Variants in STAC observed in about 807,000 individuals in gnomAD.
STAC encodes the protein SH3 and cysteine rich domain.
Under a neutral mutation model 48.8 loss-of-function variants are expected in STAC, and 43 were observed. That is an observed-to-expected ratio of 0.88 (90% CI 0.69 to 1.14). The LOEUF (loss-of-function observed/expected upper bound fraction) is 1.14. Ranked by LOEUF, STAC falls within the 50% of genes most tolerant of loss-of-function variation. The probability of loss-of-function intolerance (pLI) is 0.00; values close to 1 mark genes in which losing one functional copy is unlikely to be tolerated. For missense variants in STAC, 497 were observed against 504.0 expected, an observed-to-expected ratio of 0.99 and a Z score of 0.13; for synonymous variants, 193 against 179.5, an observed-to-expected ratio of 1.07 and a Z score of -0.60.
chr3:36,398,435 G>GAGA (rs1390375225), intron 1 of STAC, among the ~76,000 whole-genome samples: 3 of 63,456 alleles, frequency 4.7e-5, no homozygotes, highest in Non-Finnish European at 1.1e-4. Context: ...AAGGAAGGAA[G>GAGA]GAAGGAAGGA....
intron 2 of STAC, among the ~76,000 whole-genome samples, chr3:36,460,025 A>G (rs1172822997): frequency 6.6e-6 from 1 of 152,126 alleles, no homozygotes; most frequent in Non-Finnish European, 1.5e-5. Flanking sequence ...CCTTGAGCAC[A>G]GTCCTGTGTC....
At chr3:36,461,635 C>A (rs894445448) in intron 2 of STAC, among the ~76,000 whole-genome samples, 3 of 152,048 alleles carry the variant, frequency 2.0e-5, no homozygotes, top group Non-Finnish European at 2.9e-5. Context: ...AGGCAGGGGG[C>A]AGGTTGCAGT....
At chr3:36,411,120 T>C (rs891629608) in intron 1 of STAC, among the ~76,000 whole-genome samples, 18 of 152,170 alleles carry the variant, frequency 1.2e-4, no homozygotes, top group African/African-American at 4.3e-4. Context: ...GCTACTCTCT[T>C]TTCCTCAAAC....
At chr3:36,396,652 T>C (rs1699863544) in intron 1 of STAC, among the ~76,000 whole-genome samples, 1 of 152,234 alleles carries the variant, frequency 6.6e-6, no homozygotes, top group Admixed American at 6.5e-5. Flanking sequence ...TAAATCTTTC[T>C]GGCTTACATT....
intron 10 of STAC, among the ~76,000 whole-genome samples, chr3:36,530,921 T>C (rs1699050649): frequency 6.6e-6 from 1 of 152,158 alleles, no homozygotes; most frequent in South Asian, 2.1e-4. Context: ...TTTATGGCTA[T>C]TCAAAAGAAT....
At chr3:36,441,689 T>G (rs1186473019) in intron 1 of STAC, among the ~76,000 whole-genome samples, 1 of 152,208 alleles carries the variant, frequency 6.6e-6, no homozygotes, top group African/African-American at 2.4e-5. Flanking sequence ...TCATAGTGGT[T>G]GCACTAGTTT....
At chr3:36,527,992 A>C (rs1329595924) in intron 8 of STAC, among the ~76,000 whole-genome samples, 2 of 152,068 alleles carry the variant, frequency 1.3e-5, no homozygotes, top group Non-Finnish European at 2.9e-5. Flanking sequence ...ATAATGACCA[A>C]TTCTAGATGT....
At chr3:36,462,680 T>C (rs981527209) in intron 2 of STAC, among the ~76,000 whole-genome samples, 1 of 152,184 alleles carries the variant, frequency 6.6e-6, no homozygotes, top group Non-Finnish European at 1.5e-5. Flanking sequence ...TGATCAGCCT[T>C]GTCAAATGTT....
intron 8 of STAC, among the ~76,000 whole-genome samples, chr3:36,525,640 C>G (rs1698913470): frequency 2.0e-5 from 3 of 152,064 alleles, no homozygotes; most frequent in Admixed American, 2.0e-4. Context: ...TTGATACTGA[C>G]TCATGGTTTC....
intron 1 of STAC, among the ~76,000 whole-genome samples, chr3:36,398,645 A>T (rs1158699472): frequency 2.5e-5 from 3 of 118,782 alleles, no homozygotes; most frequent in African/African-American, 9.1e-5. Flanking sequence ...AAAGAAAGAA[A>T]GAAAGAGAAA....
chr3:36,523,090 A>G (rs1698844847), intron 8 of STAC, among the ~76,000 whole-genome samples: 1 of 152,206 alleles, frequency 6.6e-6, no homozygotes, highest in Non-Finnish European at 1.5e-5. Context: ...ATGAACCCAG[A>G]AAGCAACCAT....
rs889842625 is a variant in STAC at position 36,486,230 on chromosome 3, A to G, written c.668A>G (p.Asp223Gly). 6.2e-7 allele frequency: 1 copy of G among 1,613,572 alleles called. No individual in the cohort carries two copies. The highest frequency in any genetic ancestry group is 8.5e-7 in the Non-Finnish European group (1 of 1,179,750). Residue 223 changes from aspartate to glycine, a missense_variant, in exon 5 of 11, where the codon GAC becomes GGC. Transcript: ENST00000273183. ...AAGGGCAGCTCCGGCAGTGGCTCTG[A>G]CTCACCTCACAGAACCTCTGTAATT... Reference protein sequence around the residue: ...TKKGSSGSGSDSPHRTSTSDL... With the variant: ...TKKGSSGSGSGSPHRTSTSDL...
chr3:36,451,507 A>T (rs1696679738), intron 2 of STAC, among the ~76,000 whole-genome samples: 1 of 152,184 alleles, frequency 6.6e-6, no homozygotes, highest in African/African-American at 2.4e-5. Context: ...AAATTTTATA[A>T]CAAGATTTAT....
At chr3:36,430,342 A>T (rs1336706211) in intron 1 of STAC, among the ~76,000 whole-genome samples, 1 of 152,172 alleles carries the variant, frequency 6.6e-6, no homozygotes, top group African/African-American at 2.4e-5. Context: ...ATTGAGCTCT[A>T]TGTGGAGAAG....
Position 36,469,166 on chromosome 3 carries a change from T to C in STAC, c.389-13826T>C, listed in dbSNP as rs1177965028. Among the ~76,000 whole-genome samples, 11 of 152,220 alleles carry C rather than the reference T, an allele frequency of 7.2e-5. No homozygotes were observed. In the East Asian group the frequency reaches 1.7e-3, roughly 24 times the overall value. ...ACTGAATACCTTTTTTTTCATTGTGTTATTGTTATATAGGTCCTGTGAGAT... is the reference window on the plus strand; with the variant it reads ...ACTGAATACCTTTTTTTTCATTGTGCTATTGTTATATAGGTCCTGTGAGAT... On this transcript the variant is annotated intron_variant, in intron 2 of 10. Transcript: ENST00000273183.
At chr3:36,430,580 T>C (rs1700677334) in intron 1 of STAC, among the ~76,000 whole-genome samples, 1 of 152,232 alleles carries the variant, frequency 6.6e-6, no homozygotes, top group Admixed American at 6.5e-5. Flanking sequence ...TGCAGCTCTT[T>C]CTTATTGCAA....
At chr3:36,440,112 G>A (rs550222979) in intron 1 of STAC, among the ~76,000 whole-genome samples, 1 of 152,298 alleles carries the variant, frequency 6.6e-6, no homozygotes, top group Non-Finnish European at 1.5e-5. Flanking sequence ...AGCCCTAGTG[G>A]GGCTTTTCAG....
rs567317714 is a variant in STAC at position 36,507,193 on chromosome 3, A to T, written c.920+1359A>T. On this transcript the variant is annotated intron_variant, in intron 8 of 10. Transcript: ENST00000273183. Reference sequence around the variant, plus strand: ...TTGAGACAATCATGTGGTTTTTGTCATTGGTTCTGTTTATGTGATGGATTA... The same window carrying T: ...TTGAGACAATCATGTGGTTTTTGTCTTTGGTTCTGTTTATGTGATGGATTA... Among the ~76,000 whole-genome samples the T allele has an allele frequency of 2.0e-5, 3 of 152,178 alleles. No individual in the cohort carries two copies. In the South Asian group the frequency reaches 6.2e-4, roughly 32 times the overall value.
chr3:36,530,503 G>A (rs1246691831), intron 10 of STAC, among the ~76,000 whole-genome samples: 1 of 150,076 alleles, frequency 6.7e-6, no homozygotes, highest in Non-Finnish European at 1.5e-5. Context: ...CCATTGTATA[G>A]TCCACATGTA....
Sources: gnomAD v4.1 joint callset for allele counts (sites outside exome capture counted in the v4.1 genomes callset) on GRCh38, gnomAD v4.1.1 for gene constraint, MANE v1.5 for transcripts, NCBI Gene and HGNC (gene_info 2026-07-23, HGNC 2026-07-21) for gene names.